PUS10: variants seen among roughly 807,000 people sequenced by gnomAD.
PUS10 encodes tRNA pseudouridine synthase Pus10.
A neutral mutation model predicts 75.0 loss-of-function variants in PUS10; 59 were observed. The observed-to-expected ratio is 0.79, with a 90% CI of 0.64 to 0.98. The LOEUF is 0.98. PUS10 is among the 50% of genes least tolerant of loss of function. The pLI, the probability that PUS10 is intolerant of heterozygous loss-of-function variation, is 0.00. For synonymous variants in PUS10, 219 were observed against 211.6 expected (o/e 1.03, Z -0.30); for missense variants, 650 against 614.4 (o/e 1.06, Z -0.61).
chr2:61,007,760 ACT>A (rs780879927), intron 3 of PUS10, among the ~76,000 whole-genome samples: 1 of 132,682 alleles, frequency 7.5e-6, no homozygotes. Context: ...CAAGAGCCAA[ACT>A]CTGTCTCAAA....
chr2:60,962,677 C>T, intron 9 of PUS10, 149 bp downstream of exon 9: 1 of 1,319,226 alleles, frequency 7.6e-7, no homozygotes, highest in Non-Finnish European at 9.9e-7. Flanking sequence ...CCAGGTACTG[C>T]ACCATGGGTT....
At chr2:60,952,100 CTGGGGCAGGCGGA>C (rs1675370670) in intron 15 of PUS10, among the ~76,000 whole-genome samples, 1 of 152,064 alleles carries the variant, frequency 6.6e-6, no homozygotes, top group South Asian at 2.1e-4. Context: ...CTTTGGGAGG[CTGGGGCAGGCGGA>C]TGACAAGGTC....
intron 4 of PUS10, among the ~76,000 whole-genome samples, chr2:60,986,695 G>A (rs1360673901): frequency 6.6e-6 from 1 of 152,174 alleles, no homozygotes; most frequent in Non-Finnish European, 1.5e-5. Context: ...TCTTCAATCT[G>A]CTAGTTTAGT....
chr2:60,949,551 C>A (rs910825217), intron 15 of PUS10, among the ~76,000 whole-genome samples: 59 of 152,012 alleles, frequency 3.9e-4, no homozygotes, highest in African/African-American at 1.4e-3. Flanking sequence ...CAAACACACA[C>A]ATACGCTTGT....
At chr2:60,981,875 A>C (rs1677415888) in intron 4 of PUS10, among the ~76,000 whole-genome samples, 1 of 152,160 alleles carries the variant, frequency 6.6e-6, no homozygotes, top group Non-Finnish European at 1.5e-5. Context: ...TAAACTATAA[A>C]AATACTTTTG....
At position 61,017,765 on chromosome 2, in the gene PUS10, G is replaced by C. The variant is rs573461186; in HGVS notation, c.-16+243C>G. On this transcript the variant is annotated intron_variant, in intron 1 of 17. Coordinates refer to ENST00000316752, the MANE Select transcript of PUS10 (RefSeq NM_144709.4). ...GCCGAGAGGAGGCGGAGGAGATGGC[G>C]TCCCAGCCGCCACCTCCCCCCAAAC... 3 of 1,549,518 alleles carry C rather than the reference G, an allele frequency of 1.9e-6. No homozygotes were observed. In the Admixed American group the frequency reaches 5.9e-5, roughly 30 times the overall value.
intron 4 of PUS10, 45 bp from the exon 5 acceptor site, chr2:60,971,602 A>G (rs765536303): frequency 3.2e-6 from 5 of 1,575,044 alleles, no homozygotes; most frequent in Admixed American, 1.7e-5. Flanking sequence ...AGGGGGAAAC[A>G]TGTTCAGTGA....
intron 2 of PUS10, 124 bp from the exon 3 acceptor site, chr2:61,009,139 A>G: frequency 2.4e-6 from 2 of 819,252 alleles, no homozygotes; most frequent in East Asian, 2.6e-5. Flanking sequence ...CAATGTTGAC[A>G]TATCAATTCT....
intron 4 of PUS10, among the ~76,000 whole-genome samples, chr2:61,001,681 G>A (rs1678867237): frequency 6.6e-6 from 1 of 152,128 alleles, no homozygotes; most frequent in Non-Finnish European, 1.5e-5. Context: ...CGGATGACAG[G>A]TACACAGGAG....
intron 4 of PUS10, among the ~76,000 whole-genome samples, chr2:60,977,357 G>C (rs1236361831): frequency 6.6e-6 from 1 of 152,176 alleles, no homozygotes; most frequent in Non-Finnish European, 1.5e-5. Context: ...AGTGAGGTTA[G>C]GGGTTCAGCG....
At chr2:60,959,473 C>A (rs1301911136) in intron 11 of PUS10, among the ~76,000 whole-genome samples, 1 of 152,200 alleles carries the variant, frequency 6.6e-6, no homozygotes, top group Non-Finnish European at 1.5e-5. Flanking sequence ...ACACTGCAAC[C>A]TCTGCCTCCT....
intron 11 of PUS10, among the ~76,000 whole-genome samples, chr2:60,958,108 C>T (rs928913567): frequency 5.9e-5 from 9 of 152,228 alleles, no homozygotes; most frequent in African/African-American, 2.2e-4. Flanking sequence ...CAGCTGCCCA[C>T]CACTCATCCG....
At chr2:60,998,812 G>A (rs1240481314) in intron 4 of PUS10, 1 of 152,170 alleles carries the variant, frequency 6.6e-6, no homozygotes. Context: ...GCTAAGCAGG[G>A]TCAGGCCTGG....
chr2:61,015,855 A>C (rs1363030351), intron 1 of PUS10, among the ~76,000 whole-genome samples: 1 of 152,188 alleles, frequency 6.6e-6, no homozygotes, highest in Non-Finnish European at 1.5e-5. Flanking sequence ...TGCATCTCTG[A>C]CTACATACAC....
Position 60,941,039 on chromosome 2 carries a change from G to A in PUS10, c.*1356C>T, listed in dbSNP as rs548185206. On this transcript the variant is annotated 3_prime_UTR_variant, in exon 18 of 18. Coordinates refer to ENST00000316752, the MANE Select transcript of PUS10 (RefSeq NM_144709.4). ...ATGTTTAATATAGAGATGGGAAATGGTTAGTAATCTAATACTAGTCAAGTC... is the reference window on the plus strand; with the variant it reads ...ATGTTTAATATAGAGATGGGAAATGATTAGTAATCTAATACTAGTCAAGTC... 1 of 152,172 alleles carries A rather than the reference G, an allele frequency of 6.6e-6. No homozygotes were observed. The highest frequency in any genetic ancestry group is 2.4e-5 in the African/African-American group (1 of 41,400). 9.4% of individuals were successfully genotyped at this position (152,172 alleles called of 1,614,324 possible). A position where few individuals can be genotyped will look rare whatever the true frequency, so the allele number is the denominator to read the frequency against.
intron 6 of PUS10, 194 bp from the exon 7 acceptor site, chr2:60,965,678 C>A (rs1197460181): frequency 4.7e-6 from 2 of 423,824 alleles, no homozygotes; most frequent in South Asian, 8.9e-5. Flanking sequence ...TTTTTTTTAA[C>A]TTCTAAAACT....
intron 2 of PUS10, 29 bp downstream of exon 2, chr2:61,011,736 G>GA (rs370406865): frequency 0.19 from 203,445 of 1,044,302 alleles, 1 homozygote; most frequent in Non-Finnish European, 0.21. Context: ...CTCTTAATTT[G>GA]AAAAAAAAAA....
rs748478552 is a variant in PUS10 at position 60,948,203 on chromosome 2, A to G, written c.1309-18T>C. 10 of 1,613,452 alleles carry G rather than the reference A, an allele frequency of 6.2e-6. No homozygotes were observed. Among genetic ancestry groups the G allele is most frequent in the Admixed American group, 1.7e-5 (1 of 60,006 alleles). ...TTTAAGTCCTAGGGGAGAATATGAC[A>G]CACAGTCCCAGAGTCAGAGCTTTGC... is the stretch of plus-strand genomic sequence containing the variant. On this transcript the variant is annotated intron_variant, in intron 15 of 17. Coordinates refer to ENST00000316752, the MANE Select transcript of PUS10 (RefSeq NM_144709.4).
intron 9 of PUS10, 70 bp from the exon 10 acceptor site, chr2:60,961,618 AG>A: frequency 7.5e-7 from 1 of 1,335,300 alleles, no homozygotes; most frequent in Non-Finnish European, 1.1e-6. Flanking sequence ...TAGATGAATC[AG>A]CATTGTCTGA....
Sources: gnomAD v4.1 joint callset for allele counts (sites outside exome capture counted in the v4.1 genomes callset) on GRCh38, gnomAD v4.1.1 for gene constraint, MANE v1.5 for transcripts, NCBI Gene and HGNC (gene_info 2026-07-23, HGNC 2026-07-21) for gene names.